The following THADA variants were observed in gnomAD, a reference collection of about 807,000 sequenced individuals.
THADA encodes THADA armadillo repeat containing.
THADA carries 213 observed loss-of-function variants against 219.8 expected under a neutral mutation model. The ratio of observed to expected loss-of-function variants is 0.97; its 90% CI spans 0.87 to 1.09. The LOEUF is 1.09. THADA is among the 50% of genes least tolerant of loss of function. The pLI is 0.00. For missense variants in THADA, 2,956 were observed against 2,311.3 expected, an observed-to-expected ratio of 1.28 and a Z score of -5.72; for synonymous variants, 1,018 against 828.9, an observed-to-expected ratio of 1.23 and a Z score of -3.92.
intron 36 of THADA, among the ~76,000 whole-genome samples, chr2:43,273,923 T>C (rs1233833553): frequency 6.6e-6 from 1 of 152,110 alleles, no homozygotes; most frequent in Admixed American, 6.5e-5. Flanking sequence ...GTTGTTTTTT[T>C]CCTTCTTTGC....
At chr2:43,255,617 A>G (rs756161013) in intron 36 of THADA, among the ~76,000 whole-genome samples, 4 of 152,190 alleles carry the variant, frequency 2.6e-5, no homozygotes, top group Non-Finnish European at 4.4e-5. Flanking sequence ...TGGAGCCCCA[A>G]ATGGCTGTAA....
intron 26 of THADA, among the ~76,000 whole-genome samples, chr2:43,446,745 A>T (rs1681614348): frequency 6.6e-6 from 1 of 152,212 alleles, no homozygotes; most frequent in South Asian, 2.1e-4. Context: ...AATGAGTTAG[A>T]CTCTGTGGAA....
chr2:43,547,128 T>A (rs1204133293), intron 20 of THADA, among the ~76,000 whole-genome samples: 1 of 152,128 alleles, frequency 6.6e-6, no homozygotes, highest in African/African-American at 2.4e-5. Flanking sequence ...CCTTCACTTA[T>A]GAAGCTTAGT....
chr2:43,369,767 T>C (rs753757451), intron 29 of THADA, among the ~76,000 whole-genome samples: 5 of 152,232 alleles, frequency 3.3e-5, no homozygotes, highest in Admixed American at 6.5e-5. Context: ...TTTTTGTCAG[T>C]GTCCTAACAA....
intron 21 of THADA, among the ~76,000 whole-genome samples, chr2:43,536,132 T>C (rs1317244660): frequency 1.3e-5 from 2 of 151,990 alleles, no homozygotes; most frequent in Non-Finnish European, 2.9e-5. Flanking sequence ...TTGTATAGAG[T>C]GAGAGGTGGG....
chr2:43,464,562 G>A (rs376829714), intron 26 of THADA, among the ~76,000 whole-genome samples: 81 of 152,182 alleles, frequency 5.3e-4, no homozygotes, highest in Middle Eastern at 3.4e-3. Context: ...AAGTTAAGAA[G>A]GCTATTTGTT....
At position 43,398,005 on chromosome 2, in the gene THADA, A is replaced by G; in HGVS notation, c.4193T>C (p.Phe1398Ser). ...TGTCCCATGAATGTGGTTTTGCCGG[A>G]AACACTGGTCAGTGCAGCTGGGGAG... ...STLPSCTDQC[F>S]RQNHIHGTLL... Residue 1398 changes from phenylalanine (F) to serine (S), a missense_variant, in exon 29 of 38, where the codon TTC (phenylalanine) becomes TCC (serine). Coordinates refer to ENST00000405975, the MANE Select transcript of THADA (RefSeq NM_022065.5). 6.2e-7 allele frequency: 1 copy of G among 1,613,972 alleles called. No homozygotes were observed. Among genetic ancestry groups the G allele is most frequent in the Non-Finnish European group, 8.5e-7 (1 of 1,179,844 alleles).
At chr2:43,256,962 A>G (rs538799158) in intron 36 of THADA, among the ~76,000 whole-genome samples, 46 of 152,332 alleles carry the variant, frequency 3.0e-4, no homozygotes, top group African/African-American at 1.0e-3. Flanking sequence ...GTAGAGCCAA[A>G]TAGCTCAGGA....
chr2:43,507,431 C>G (rs962033618), intron 23 of THADA, among the ~76,000 whole-genome samples: 4 of 152,102 alleles, frequency 2.6e-5, no homozygotes, highest in Non-Finnish European at 5.9e-5. Context: ...ACAAATGACA[C>G]GTAAAAACAC....
chr2:43,399,920 G>A (rs1013735278), intron 28 of THADA, among the ~76,000 whole-genome samples: 1 of 152,122 alleles, frequency 6.6e-6, no homozygotes, highest in Non-Finnish European at 1.5e-5. Flanking sequence ...AAAATGTTTT[G>A]AAATTTAATT....
intron 26 of THADA, among the ~76,000 whole-genome samples, chr2:43,449,603 A>G (rs957631457): frequency 6.6e-6 from 1 of 152,154 alleles, no homozygotes; most frequent in Non-Finnish European, 1.5e-5. Flanking sequence ...CCCCATCTCT[A>G]CAAAGAATTT....
intron 28 of THADA, among the ~76,000 whole-genome samples, chr2:43,409,172 T>C (rs1675965919): frequency 6.6e-6 from 1 of 152,166 alleles, no homozygotes; most frequent in Non-Finnish European, 1.5e-5. Flanking sequence ...TGAAAGAAAT[T>C]TGAGTATTTC....
intron 10 of THADA, 69 bp downstream of exon 10, chr2:43,576,953 C>T (rs1699918124): frequency 2.1e-6 from 3 of 1,418,502 alleles, no homozygotes; most frequent in Non-Finnish European, 2.9e-6. Context: ...GCCACTCCAG[C>T]TTTTGGACTG....
intron 20 of THADA, among the ~76,000 whole-genome samples, chr2:43,544,433 G>C (rs1238210489): frequency 6.6e-6 from 1 of 152,168 alleles, no homozygotes; most frequent in Non-Finnish European, 1.5e-5. Context: ...TAGCTTGATG[G>C]GGATGGCATT....
At chr2:43,573,438 G>C (rs1344371882) in intron 11 of THADA, among the ~76,000 whole-genome samples, 1 of 152,196 alleles carries the variant, frequency 6.6e-6, no homozygotes, top group Non-Finnish European at 1.5e-5. Context: ...CAAAGAGCCT[G>C]CTGGTTTCAG....
At chr2:43,266,527 T>G (rs1368119910) in intron 36 of THADA, among the ~76,000 whole-genome samples, 1 of 152,116 alleles carries the variant, frequency 6.6e-6, no homozygotes, top group Non-Finnish European at 1.5e-5. Flanking sequence ...GGTGTGAACC[T>G]GGGAGGCAGA....
intron 36 of THADA, among the ~76,000 whole-genome samples, chr2:43,261,216 C>CTT (rs1181680289): frequency 0.034 from 2,648 of 77,064 alleles, 219 homozygotes; most frequent in African/African-American, 0.077. Flanking sequence ...TTGTGCATTT[C>CTT]TTTTTTTTTT....
At chr2:43,457,179 CACACAT>C (rs1445360039) in intron 26 of THADA, among the ~76,000 whole-genome samples, 33 of 131,150 alleles carry the variant, frequency 2.5e-4, no homozygotes, top group Middle Eastern at 3.8e-3. Context: ...CACACACACA[CACACAT>C]GCACAGTGAG....
intron 36 of THADA, among the ~76,000 whole-genome samples, chr2:43,269,477 G>A (rs1406505093): frequency 1.3e-5 from 2 of 152,146 alleles, no homozygotes; most frequent in African/African-American, 4.8e-5. Flanking sequence ...GCATTAGTTT[G>A]CACCTGCTTT....
Sources: gnomAD v4.1 joint callset for allele counts (sites outside exome capture counted in the v4.1 genomes callset) on GRCh38, gnomAD v4.1.1 for gene constraint, MANE v1.5 for transcripts, NCBI Gene and HGNC (gene_info 2026-07-23, HGNC 2026-07-21) for gene names.